Variants in HPSE2 observed in about 807,000 individuals in gnomAD.
HPSE2 encodes the protein heparanase 2 (inactive).
Under a neutral mutation model 60.5 loss-of-function variants are expected in HPSE2, and 38 were observed. The ratio of observed to expected loss-of-function variants is 0.63; its 90% CI spans 0.48 to 0.82. The LOEUF is 0.82. Among genes scored for constraint, HPSE2 ranks in the 40% least tolerant of loss-of-function variants. HPSE2 has a pLI of 0.00. For synonymous variants in HPSE2, 295 were observed against 293.2 expected, an observed-to-expected ratio of 1.01 and a Z score of -0.06; for missense variants, 713 against 740.4, an observed-to-expected ratio of 0.96 and a Z score of 0.43.
intron 3 of HPSE2, among the ~76,000 whole-genome samples, chr10:98,999,516 C>T (rs1248436379): frequency 6.6e-6 from 1 of 152,142 alleles, no homozygotes; most frequent in African/African-American, 2.4e-5. Context: ...CCTCTGACTT[C>T]AAATCTCTTG....
At chr10:98,720,465 T>A (rs1392974862) in intron 5 of HPSE2, among the ~76,000 whole-genome samples, 1 of 152,136 alleles carries the variant, frequency 6.6e-6, no homozygotes, top group Non-Finnish European at 1.5e-5. Context: ...TTAATAAAAT[T>A]GACAACATTT....
chr10:98,771,922 A>C (rs1950249811), intron 3 of HPSE2, among the ~76,000 whole-genome samples: 1 of 152,226 alleles, frequency 6.6e-6, no homozygotes, highest in Non-Finnish European at 1.5e-5. Context: ...TATATTAATA[A>C]GGACAGAAGA....
intron 3 of HPSE2, among the ~76,000 whole-genome samples, chr10:99,022,042 T>TC (rs1304747526): frequency 2.7e-5 from 2 of 73,258 alleles, no homozygotes; most frequent in African/African-American, 1.1e-4. Flanking sequence ...CCCTCCCCCC[T>TC]CCCCCCACCC....
chr10:98,900,584 C>A (rs924328787), intron 3 of HPSE2, among the ~76,000 whole-genome samples: 8 of 152,134 alleles, frequency 5.3e-5, no homozygotes, highest in Non-Finnish European at 8.8e-5. Flanking sequence ...TCAAATTGAA[C>A]ACTTTTAAGT....
At chr10:98,989,596 T>C (rs895948463) in intron 3 of HPSE2, among the ~76,000 whole-genome samples, 8 of 150,990 alleles carry the variant, frequency 5.3e-5, no homozygotes, top group African/African-American at 1.7e-4. Context: ...TGTATACATA[T>C]GTAACAAACC....
chr10:99,064,251 C>T (rs1023528119), intron 3 of HPSE2, among the ~76,000 whole-genome samples: 9 of 151,980 alleles, frequency 5.9e-5, no homozygotes, highest in Non-Finnish European at 1.2e-4. Context: ...TACCTCCTAG[C>T]CAATCTGAAA....
At chr10:99,098,192 G>T (rs531020456) in intron 3 of HPSE2, among the ~76,000 whole-genome samples, 2 of 152,110 alleles carry the variant, frequency 1.3e-5, no homozygotes, top group East Asian at 3.9e-4. Context: ...TAACTGAAAA[G>T]TAACAATACA....
intron 9 of HPSE2, among the ~76,000 whole-genome samples, chr10:98,586,297 T>C (rs1002380297): frequency 6.6e-6 from 1 of 152,092 alleles, no homozygotes; most frequent in Non-Finnish European, 1.5e-5. Context: ...ATCCTTGGAG[T>C]GCTCTTTTCC....
At chr10:98,506,454 T>C (rs998914100) in intron 9 of HPSE2, among the ~76,000 whole-genome samples, 1 of 150,684 alleles carries the variant, frequency 6.6e-6, no homozygotes, top group African/African-American at 2.5e-5. Flanking sequence ...CTTTTCTTTC[T>C]TTTTTTTTGA....
At chr10:99,040,726 T>C (rs999326183) in intron 3 of HPSE2, among the ~76,000 whole-genome samples, 9 of 152,182 alleles carry the variant, frequency 5.9e-5, no homozygotes, top group African/African-American at 1.9e-4. Flanking sequence ...CTATTTAGAT[T>C]CTTAATTCAT....
intron 2 of HPSE2, among the ~76,000 whole-genome samples, chr10:99,197,184 C>A (rs181562544): frequency 1.1e-4 from 17 of 152,156 alleles, no homozygotes; most frequent in African/African-American, 3.6e-4. Flanking sequence ...AACAATTAAA[C>A]TCATGGACAT....
At chr10:98,821,648 C>T (rs190009143) in intron 3 of HPSE2, among the ~76,000 whole-genome samples, 4 of 152,270 alleles carry the variant, frequency 2.6e-5, no homozygotes, top group South Asian at 2.1e-4. Context: ...ACAGCCGTTA[C>T]GCCTTTGGGG....
At chr10:99,272,100 G>A in the HPSE2 span, among the ~76,000 whole-genome samples, 11 of 152,090 alleles carry the variant, frequency 7.2e-5, no homozygotes, top group African/African-American at 2.2e-4. Flanking sequence ...GTGAAACCCC[G>A]TCTCTACTAA....
intron 3 of HPSE2, among the ~76,000 whole-genome samples, chr10:99,021,962 T>C (rs896068806): frequency 1.3e-5 from 2 of 151,876 alleles, no homozygotes; most frequent in African/African-American, 4.8e-5. Context: ...TACATATGTA[T>C]ACATGTGCCA....
intron 9 of HPSE2, among the ~76,000 whole-genome samples, chr10:98,601,792 C>T (rs948812165): frequency 2.6e-5 from 4 of 152,152 alleles, no homozygotes; most frequent in Non-Finnish European, 4.4e-5. Flanking sequence ...GGGCCCACTG[C>T]GTTGTTCCTG....
chr10:99,295,265 A>G, the HPSE2 span, among the ~76,000 whole-genome samples: 6 of 152,206 alleles, frequency 3.9e-5, no homozygotes, highest in South Asian at 1.2e-3. Context: ...TAAGATGTCC[A>G]AAGTCATACA....
chr10:98,721,924 A>C (rs1948936745), intron 4 of HPSE2, 96 bp from the exon 5 acceptor site: 2 of 1,010,184 alleles, frequency 2.0e-6, no homozygotes, highest in Non-Finnish European at 3.0e-6. Flanking sequence ...TCTTAATAAT[A>C]TGAAAAAAAA....
intron 10 of HPSE2, among the ~76,000 whole-genome samples, chr10:98,489,843 T>A (rs1382921507): frequency 2.0e-5 from 3 of 152,352 alleles, no homozygotes; most frequent in Non-Finnish European, 4.4e-5. Context: ...TTATGATTAA[T>A]CCTCTAAGTA....
At chr10:99,224,694 C>T (rs1178973073) in intron 2 of HPSE2, among the ~76,000 whole-genome samples, 4 of 151,932 alleles carry the variant, frequency 2.6e-5, no homozygotes, top group South Asian at 2.1e-4. Context: ...GTAGGGATTG[C>T]GAGACCAGGA....
Sources: gnomAD v4.1 joint callset for allele counts (sites outside exome capture counted in the v4.1 genomes callset) on GRCh38, gnomAD v4.1.1 for gene constraint, MANE v1.5 for transcripts, NCBI Gene and HGNC (gene_info 2026-07-23, HGNC 2026-07-21) for gene names.